The following CPNE4 variants were observed in gnomAD, a reference collection of about 807,000 sequenced individuals.
The protein encoded by CPNE4 is copine 4, also known as copine-4.
Under a neutral mutation model 67.9 loss-of-function variants are expected in CPNE4, and 25 were observed. The ratio of observed to expected loss-of-function variants is 0.37; its 90% CI spans 0.27 to 0.51. CPNE4 has a LOEUF of 0.51. Among genes scored for constraint, CPNE4 ranks in the 20% least tolerant of loss-of-function variants. CPNE4 has a pLI of 0.93. For missense variants in CPNE4, 464 were observed against 690.8 expected, an observed-to-expected ratio of 0.67 and a Z score of 3.68; for synonymous variants, 242 against 244.9, an observed-to-expected ratio of 0.99 and a Z score of 0.11.
chr3:131,631,947 G>T (rs1315437202), intron 7 of CPNE4, among the ~76,000 whole-genome samples: 6 of 150,110 alleles, frequency 4.0e-5, no homozygotes, highest in Non-Finnish European at 7.4e-5. Flanking sequence ...CCAGGCTGGA[G>T]TGCCATGGCA....
Position 131,761,164 on chromosome 3 carries a change from G to A in CPNE4, c.181-37539C>T, listed in dbSNP as rs535950660. Among the ~76,000 whole-genome samples the A allele has an allele frequency of 3.1e-4, 47 of 150,782 alleles. No individual in the cohort carries two copies. The South Asian group carries it at 3.2e-3, about 10-fold the overall frequency. On this transcript the variant is annotated intron_variant, in intron 2 of 15. Coordinates refer to ENST00000429747, the MANE Select transcript of CPNE4 (RefSeq NM_130808.3). Reference sequence around the variant, plus strand: ...AGGAAGACAGTGGAAGAGGGTAAGAGGGTAAGTGATGAAATAAGAAAAGGC... The same window carrying A: ...AGGAAGACAGTGGAAGAGGGTAAGAAGGTAAGTGATGAAATAAGAAAAGGC...
chr3:131,686,102 C>T, intron 5 of CPNE4, 144 bp from the exon 6 acceptor site: 2 of 598,288 alleles, frequency 3.3e-6, no homozygotes, highest in Non-Finnish European at 6.0e-6. Flanking sequence ...GTCCTCTCTT[C>T]CTGCCCAGTT....
At chr3:131,995,650 C>T (rs927392300) in intron 1 of CPNE4, among the ~76,000 whole-genome samples, 4 of 152,178 alleles carry the variant, frequency 2.6e-5, no homozygotes, top group African/African-American at 9.7e-5. Flanking sequence ...AACCATTTAG[C>T]CTGGCGACTG....
chr3:131,880,816 G>C (rs1426344511), intron 2 of CPNE4, among the ~76,000 whole-genome samples: 1 of 152,198 alleles, frequency 6.6e-6, no homozygotes, highest in Non-Finnish European at 1.5e-5. Context: ...TTAGATAAGA[G>C]AGCTGAGAAA....
intron 9 of CPNE4, among the ~76,000 whole-genome samples, chr3:131,578,886 C>T (rs1014964079): frequency 1.3e-5 from 2 of 152,174 alleles, no homozygotes; most frequent in Admixed American, 6.5e-5. Context: ...AAGAAACTGT[C>T]TCTGTAACAT....
At chr3:131,696,352 T>C (rs536479689) in intron 5 of CPNE4, among the ~76,000 whole-genome samples, 190 bp downstream of exon 5, 1 of 152,226 alleles carries the variant, frequency 6.6e-6, no homozygotes, top group African/African-American at 2.4e-5. Context: ...TTGTTTTAAT[T>C]ACAGTCCCTT....
chr3:131,544,267 G>GA (rs941481470), intron 14 of CPNE4, among the ~76,000 whole-genome samples: 31 of 152,258 alleles, frequency 2.0e-4, no homozygotes, highest in African/African-American at 7.0e-4. Flanking sequence ...GTGACATTTT[G>GA]AAAACATCTG....
intron 7 of CPNE4, among the ~76,000 whole-genome samples, chr3:131,636,046 A>G (rs950270812): frequency 1.1e-5 from 1 of 89,748 alleles, no homozygotes; most frequent in Admixed American, 9.8e-5. Flanking sequence ...CCGCCACTGC[A>G]CTCCAGCCTG....
intron 7 of CPNE4, among the ~76,000 whole-genome samples, chr3:131,644,402 C>T (rs1678077105): frequency 2.0e-5 from 3 of 152,134 alleles, no homozygotes; most frequent in Admixed American, 2.0e-4. Context: ...CTGCCTTGTC[C>T]TCCCAAAGTG....
rs750185493 is a variant in CPNE4, at chr3:131,789,220, T to C, written c.181-65595A>G. Among the ~76,000 whole-genome samples, 4 of 152,178 alleles carry C rather than the reference T, an allele frequency of 2.6e-5. No individual in the cohort carries two copies. The East Asian group carries it at 7.7e-4, about 29-fold the overall frequency. The stretch of plus-strand genomic sequence containing the variant: ...TGTTCTGGAGACGTACACATTGCTC[T>C]AGAGTATAGTAAATATGGAACTGCA... On this transcript the variant is annotated intron_variant, in intron 2 of 15. Coordinates refer to ENST00000429747, the MANE Select transcript of CPNE4 (RefSeq NM_130808.3).
chr3:131,630,263 C>A (rs1258388956), intron 7 of CPNE4, among the ~76,000 whole-genome samples: 1 of 152,142 alleles, frequency 6.6e-6, no homozygotes, highest in Non-Finnish European at 1.5e-5. Flanking sequence ...TGTTTTTGTA[C>A]AAGTAACTTA....
chr3:131,709,992 T>C (rs951117542), intron 3 of CPNE4, among the ~76,000 whole-genome samples: 3 of 152,202 alleles, frequency 2.0e-5, no homozygotes, highest in African/African-American at 7.2e-5. Flanking sequence ...TTATCTGTTA[T>C]TGTATCATGT....
chr3:131,801,788 C>G (rs986822577), intron 2 of CPNE4, among the ~76,000 whole-genome samples: 5 of 144,916 alleles, frequency 3.5e-5, no homozygotes, highest in Non-Finnish European at 7.5e-5. Flanking sequence ...GATAAGTATT[C>G]AGTAAATGCT....
chr3:131,979,484 T>C (rs2072846667), intron 1 of CPNE4, among the ~76,000 whole-genome samples: 1 of 141,864 alleles, frequency 7.0e-6, no homozygotes. Flanking sequence ...GTTTGTTTTG[T>C]CTGATAAAAT....
chr3:132,001,579 GAAAGAA>G (rs1212610844), intron 1 of CPNE4, among the ~76,000 whole-genome samples: 2 of 146,876 alleles, frequency 1.4e-5, no homozygotes, highest in African/African-American at 2.5e-5. Flanking sequence ...AAGAAAGAAA[GAAAGAA>G]AGAAAGAAAG....
chr3:131,906,286 G>T (rs2088756039), intron 1 of CPNE4, among the ~76,000 whole-genome samples: 1 of 151,172 alleles, frequency 6.6e-6, no homozygotes, highest in Admixed American at 6.6e-5. Flanking sequence ...AAGTTTTAGG[G>T]TACATGGGCA....
intron 1 of CPNE4, among the ~76,000 whole-genome samples, chr3:132,016,564 A>C (rs1320898): frequency 0.68 from 102,956 of 152,060 alleles, 35,662 homozygotes; most frequent in Middle Eastern, 0.76. Flanking sequence ...AGGAACCCTG[A>C]GAGAGAAAAA....
At chr3:131,628,266 G>C (rs879860904) in intron 7 of CPNE4, among the ~76,000 whole-genome samples, 14 of 152,168 alleles carry the variant, frequency 9.2e-5, no homozygotes, top group Non-Finnish European at 1.5e-4. Flanking sequence ...CCAAGACTGG[G>C]AAGAAAAAGA....
intron 3 of CPNE4, among the ~76,000 whole-genome samples, chr3:131,713,133 T>TC (rs2081599720): frequency 6.6e-6 from 1 of 151,882 alleles, no homozygotes; most frequent in Non-Finnish European, 1.5e-5. Context: ...AGCTGTTTTT[T>TC]TTTTAGCATT....
Sources: gnomAD v4.1 joint callset for allele counts (sites outside exome capture counted in the v4.1 genomes callset) on GRCh38, gnomAD v4.1.1 for gene constraint, MANE v1.5 for transcripts, NCBI Gene and HGNC (gene_info 2026-07-23, HGNC 2026-07-21) for gene names.